Variants in SP140 observed in about 807,000 individuals in gnomAD.
The protein encoded by SP140 is nuclear body protein SP140.
Under a neutral mutation model 125.0 loss-of-function variants are expected in SP140, and 81 were observed. The ratio of observed to expected loss-of-function variants is 0.65; its 90% CI spans 0.54 to 0.78. The LOEUF (loss-of-function observed/expected upper bound fraction) is 0.78, where lower values mean the gene tolerates loss of function less well. Among genes scored for constraint, SP140 ranks in the 30% least tolerant of loss-of-function variants. The pLI, the probability that SP140 is intolerant of heterozygous loss-of-function variation, is 0.00. For missense variants in SP140, 858 were observed against 1,037.0 expected, an observed-to-expected ratio of 0.83 and a Z score of 2.37; for synonymous variants, 312 against 354.0, an observed-to-expected ratio of 0.88 and a Z score of 1.33.
rs3813467 is a variant in SP140 at position 230,249,197 on chromosome 2, T to A, written c.976+229T>A. On this transcript the variant is annotated intron_variant, in intron 9 of 26. Transcript: ENST00000392045. ...GGACCATATTTCTGCATGGGGAATG[T>A]AGGGAGAACGAATATACCAGAGGTA... 1.1e-4 allele frequency among the ~76,000 whole-genome samples: 17 copies of A among 152,174 alleles called. No individual in the cohort carries two copies. The East Asian group carries it at 2.9e-3, about 26-fold the overall frequency.
the SP140 span, chr2:230,186,258 A>C: frequency 9.9e-7 from 1 of 1,007,010 alleles, no homozygotes; most frequent in Non-Finnish European, 1.5e-6. Context: ...TCTTGTGTGT[A>C]TCTTTCTTCC....
At chr2:230,226,335 G>T (rs1205177533) in intron 1 of SP140, among the ~76,000 whole-genome samples, 1 of 152,146 alleles carries the variant, frequency 6.6e-6, no homozygotes, top group Admixed American at 6.5e-5. Context: ...TGTGTAGTTG[G>T]GGACCGGTTC....
At chr2:230,299,783 G>A (rs2058117070) in intron 22 of SP140, among the ~76,000 whole-genome samples, 1 of 152,202 alleles carries the variant, frequency 6.6e-6, no homozygotes, top group Non-Finnish European at 1.5e-5. Flanking sequence ...CACCACAGCG[G>A]GAGTGAGACT....
At chr2:230,269,156 G>A (rs1378358079) in intron 12 of SP140, among the ~76,000 whole-genome samples, 1 of 152,154 alleles carries the variant, frequency 6.6e-6, no homozygotes, top group African/African-American at 2.4e-5. Context: ...ATGTAGAACT[G>A]CCAGTAATGG....
In SP140 at chr2:230,211,640, A is replaced by T; in HGVS notation, c.-322-2014A>T. On this transcript the variant is annotated intron_variant, in intron 1 of 4. Coordinates refer to the SP140 transcript ENST00000456542. This position sits in a 1 kb window ranked among gnomAD's most constrained non-coding sequence, Gnocchi z 4.2. ...GAAAAGAGAATGCTCTATTCCAACA[A>T]GTAAAAATGACGGGGTAACAGCAAC... is the stretch of plus-strand genomic sequence containing the variant. 1.2e-6 allele frequency: 1 copy of T among 865,564 alleles called. No homozygotes were observed. The highest frequency in any genetic ancestry group is 1.6e-5 in the African/African-American group (1 of 60,950). The allele number at this position is 865,564 out of a possible 1,614,324, so 53.6% of individuals were successfully genotyped here.
At chr2:230,265,922 A>C (rs1271235846) in intron 12 of SP140, among the ~76,000 whole-genome samples, 2 of 152,138 alleles carry the variant, frequency 1.3e-5, no homozygotes, top group African/African-American at 2.4e-5. Context: ...ATAAAGGAGA[A>C]AGGGAGACAG....
intron 3 of SP140, among the ~76,000 whole-genome samples, chr2:230,216,453 G>A (rs144389693): frequency 1.5e-3 from 232 of 152,284 alleles, no homozygotes; most frequent in Non-Finnish European, 2.2e-3. Context: ...GGCAGCTATC[G>A]GATTCTCCTC....
At chr2:230,205,108 A>G (rs755615681) in intron 1 of SP140, among the ~76,000 whole-genome samples, 3 of 152,266 alleles carry the variant, frequency 2.0e-5, no homozygotes, top group Middle Eastern at 3.2e-3. Context: ...TAAACTAATT[A>G]GATTTTAATG....
chr2:230,238,704 A>G lies in SP140; in HGVS notation c.406+323A>G, dbSNP rs957217949. The G allele has an allele frequency of 1.1e-4, 141 of 1,313,054 alleles. No homozygotes were observed. In the African/African-American group the frequency reaches 1.9e-3, roughly 18 times the overall value. The allele number at this position is 1,313,054 out of a possible 1,614,324, so 81.3% of individuals were successfully genotyped here. ...GATGTCTTTTCATGGGAAAGGAGGA[A>G]GCCTTCTCTGATATTTGCAGATATG... On this transcript the variant is annotated intron_variant, in intron 3 of 26. Transcript: ENST00000392045.
At chr2:230,209,503 G>C (rs1265601555) in intron 1 of SP140, among the ~76,000 whole-genome samples, 1 of 152,168 alleles carries the variant, frequency 6.6e-6, no homozygotes, top group Admixed American at 6.5e-5. Flanking sequence ...GAAGGGGCTG[G>C]ATGGGGCCAG....
intron 22 of SP140, among the ~76,000 whole-genome samples, chr2:230,308,938 G>A (rs979632439): frequency 3.9e-5 from 6 of 152,150 alleles, no homozygotes; most frequent in African/African-American, 7.2e-5. Context: ...GTTCTTTGTT[G>A]TAAATACACA....
chr2:230,246,230 T>A (rs914450576), intron 7 of SP140, among the ~76,000 whole-genome samples: 3 of 152,266 alleles, frequency 2.0e-5, no homozygotes, highest in Non-Finnish European at 4.4e-5. Context: ...AAAAGAAGGA[T>A]GAGCTCAGAC....
At chr2:230,236,459 A>T (rs541403028) in intron 1 of SP140, among the ~76,000 whole-genome samples, 1 of 152,340 alleles carries the variant, frequency 6.6e-6, no homozygotes, top group South Asian at 2.1e-4. Flanking sequence ...GTTATAAGGA[A>T]TTGGCTCTTG....
intron 15 of SP140, among the ~76,000 whole-genome samples, chr2:230,279,575 G>A (rs765417635): frequency 3.9e-5 from 6 of 152,128 alleles, no homozygotes; most frequent in Admixed American, 1.3e-4. Flanking sequence ...TTATGTAGAT[G>A]TTCCACGCAT....
intron 17 of SP140, among the ~76,000 whole-genome samples, chr2:230,287,054 A>G (rs940775298): frequency 1.2e-4 from 18 of 152,202 alleles, no homozygotes; most frequent in African/African-American, 3.4e-4. Context: ...CATTTGGACA[A>G]TAGTAAACAT....
At chr2:230,215,618 C>G (rs1241453384) in intron 3 of SP140, among the ~76,000 whole-genome samples, 2 of 152,172 alleles carry the variant, frequency 1.3e-5, no homozygotes, top group Non-Finnish European at 2.9e-5. Context: ...TGAGAATTTT[C>G]CTTGCCTAGA....
rs1475800594 is a variant in SP140, at chr2:230,225,746, TTGAC to T, written c.-95_-92del. ...GGCAATTTCACTTTTCTTTTCCTCT[TTGAC>T]TGAGCACCGAGGGGCAGTTGGCAGC... On this transcript the variant is annotated 5_prime_UTR_variant, in exon 1 of 27. Transcript: ENST00000392045. 3 of 1,005,352 alleles carry T rather than the reference TTGAC, an allele frequency of 3.0e-6. No homozygotes were observed. The highest frequency in any genetic ancestry group is 1.7e-5 in the Admixed American group (1 of 58,462). The allele number at this position is 1,005,352 out of a possible 1,614,324, so 62.3% of individuals were successfully genotyped here. A position where few individuals can be genotyped will look rare whatever the true frequency, so the allele number is the denominator to read the frequency against.
chr2:230,275,050 A>AT (rs1408025394), intron 15 of SP140, among the ~76,000 whole-genome samples: 1 of 151,930 alleles, frequency 6.6e-6, no homozygotes, highest in Non-Finnish European at 1.5e-5. Context: ...GTTATTGGCC[A>AT]TTTTTGTTTC....
At chr2:230,216,232 T>C (rs1282958830) in intron 3 of SP140, among the ~76,000 whole-genome samples, 1 of 152,184 alleles carries the variant, frequency 6.6e-6, no homozygotes, top group African/African-American at 2.4e-5. Flanking sequence ...GTGAACTTAT[T>C]TGGAAAAAGT....
Sources: gnomAD v4.1 joint callset for allele counts (sites outside exome capture counted in the v4.1 genomes callset) on GRCh38, gnomAD v4.1.1 for gene constraint, Gnocchi (gnomAD v3.1) non-coding constraint, MANE v1.5 for transcripts, NCBI Gene and HGNC (gene_info 2026-07-23, HGNC 2026-07-21) for gene names.